Variants in ZNF345 observed in about 807,000 individuals in gnomAD.
The protein encoded by ZNF345 is zinc finger protein HZF10.
For synonymous variants in ZNF345, 166 were observed against 187.9 expected (o/e 0.88, Z 0.95); for missense variants, 527 against 589.9 (o/e 0.89, Z 1.10).
chr19:36,881,811 A>G (rs573276884), downstream of ZNF345, among the ~76,000 whole-genome samples: 31 of 152,252 alleles, frequency 2.0e-4, no homozygotes, highest in South Asian at 6.0e-3. Flanking sequence ...ATATATTGAA[A>G]CCCACTTTCA....
intron 2 of ZNF345, among the ~76,000 whole-genome samples, chr19:36,871,830 C>T (rs12151296): frequency 0.32 from 48,910 of 151,916 alleles, 9,025 homozygotes; most frequent in East Asian, 0.71. Flanking sequence ...TGCAATGGTA[C>T]GATCTTGTCT....
At chr19:36,851,287 T>C (rs926353802) in intron 1 of ZNF345, 3 of 152,134 alleles carry the variant, frequency 2.0e-5, no homozygotes, top group African/African-American at 7.3e-5. Context: ...CTGTGTGTAG[T>C]ATGCCTTAAT....
intron 2 of ZNF345, among the ~76,000 whole-genome samples, chr19:36,862,594 G>A (rs559851804): frequency 6.7e-6 from 1 of 148,936 alleles, no homozygotes; most frequent in Non-Finnish European, 1.5e-5. Context: ...AACCTGGGAG[G>A]CAGAGGTTGC....
At chr19:36,866,462 T>C (rs953583563) in intron 2 of ZNF345, among the ~76,000 whole-genome samples, 1 of 152,358 alleles carries the variant, frequency 6.6e-6, no homozygotes, top group East Asian at 1.9e-4. Flanking sequence ...TTGCCAACTT[T>C]GTATAACTCC....
At chr19:36,891,711 G>T (rs1380519629) in intron 3 of ZNF345, 8 of 1,613,866 alleles carry the variant, frequency 5.0e-6, no homozygotes, top group Non-Finnish European at 6.8e-6. Context: ...TCTGAATAAA[G>T]GCCTTTCTAC....
chr19:36,882,349 C>T (rs1001632360), downstream of ZNF345, among the ~76,000 whole-genome samples: 13 of 151,982 alleles, frequency 8.6e-5, no homozygotes, highest in African/African-American at 3.1e-4. Context: ...CTCACTGCAA[C>T]CTCCGCCTCC....
At chr19:36,865,193 C>T (rs1426381146) in intron 2 of ZNF345, among the ~76,000 whole-genome samples, 1 of 152,114 alleles carries the variant, frequency 6.6e-6, no homozygotes, top group Non-Finnish European at 1.5e-5. Context: ...GAAAGGAACG[C>T]CCCTTCCTCC....
At chr19:36,888,397 C>G (rs889888741) in intron 3 of ZNF345, 3 of 152,178 alleles carry the variant, frequency 2.0e-5, no homozygotes, top group African/African-American at 7.2e-5. Context: ...ATATCTGTCT[C>G]TACAATATCC....
At chr19:36,891,833 C>G in intron 3 of ZNF345, 1 of 1,614,128 alleles carries the variant, frequency 6.2e-7, no homozygotes, top group Middle Eastern at 1.7e-4. Context: ...GGTTTCTCAC[C>G]AGTATGCATT....
At chr19:36,884,631 T>A (rs997610284) in intron 3 of ZNF345, among the ~76,000 whole-genome samples, 2 of 152,206 alleles carry the variant, frequency 1.3e-5, no homozygotes, top group African/African-American at 4.8e-5. Context: ...TCTGCCCTTC[T>A]TGCTGGTTTG....
In ZNF345 at chr19:36,877,291, C is replaced by T. The variant is rs1411631824; in HGVS notation, c.461C>T (p.Ala154Val). The T allele has an allele frequency of 1.2e-6, 2 of 1,613,928 alleles. No homozygotes were observed. The highest frequency in any genetic ancestry group is 3.3e-5 in the Admixed American group (2 of 60,000). The stretch of plus-strand genomic sequence containing the variant: ...TATGAGTGTAAGGAATGTGGGAAAG[C>T]CTTTAGTTTTGGATCAGGCCTTATT... ...KPYECKECGKAFSFGSGLIRH... is the reference protein window; with the variant it reads ...KPYECKECGKVFSFGSGLIRH... Residue 154 changes from alanine (A) to valine (V), a missense_variant, in exon 3 of 3, where the codon GCC becomes GTC. Coordinates refer to ENST00000420450, the MANE Select transcript of ZNF345 (RefSeq NM_001242472.2).
downstream of ZNF345, among the ~76,000 whole-genome samples, chr19:36,882,336 C>T (rs904666901): frequency 2.6e-5 from 4 of 151,898 alleles, no homozygotes; most frequent in Non-Finnish European, 5.9e-5. Context: ...GGCGTGATCT[C>T]GGCTCACTGC....
chr19:36,874,767 G>A (rs985952258), intron 2 of ZNF345, among the ~76,000 whole-genome samples: 8 of 152,164 alleles, frequency 5.3e-5, no homozygotes, highest in Non-Finnish European at 7.3e-5. Context: ...CAACAAGAGC[G>A]AAACTCCATC....
At chr19:36,859,232 G>T (rs576694514) in intron 2 of ZNF345, among the ~76,000 whole-genome samples, 46 of 151,812 alleles carry the variant, frequency 3.0e-4, no homozygotes, top group African/African-American at 9.9e-4. Context: ...TCAGCTCACT[G>T]CAGCCTCTGC....
At chr19:36,853,807 A>T (rs2072342957) in intron 2 of ZNF345, among the ~76,000 whole-genome samples, 1 of 152,166 alleles carries the variant, frequency 6.6e-6, no homozygotes, top group Non-Finnish European at 1.5e-5. Flanking sequence ...TGTCTTACTC[A>T]CTGTAACTTT....
intron 3 of ZNF345, among the ~76,000 whole-genome samples, chr19:36,884,798 A>T (rs1339158465): frequency 6.6e-6 from 1 of 152,206 alleles, no homozygotes; most frequent in Non-Finnish European, 1.5e-5. Context: ...AGAGGCCTAG[A>T]GTACCCCCAG....
chr19:36,877,411 G>A lies in ZNF345; in HGVS notation c.581G>A (p.Arg194Lys). 1.2e-6 allele frequency: 2 copies of A among 1,614,158 alleles called. No homozygotes were observed. The highest frequency in any genetic ancestry group is 1.1e-5 in the South Asian group (1 of 91,084). ...GAATCAGCCCTTATTCGGCATCACA[G>A]AATTCACACAGGTGAGAAACCTTAT... ...SFESALIRHH[R>K]IHTGEKPYEC... Residue 194 changes from arginine to lysine, a missense_variant, in exon 3 of 3, where the codon AGA (arginine) becomes AAA (lysine). Physicochemically the swap from Arg to Lys is conservative, Grantham distance 26 (BLOSUM62 2). Coordinates refer to ENST00000420450, the MANE Select transcript of ZNF345 (RefSeq NM_001242472.2).
intron 2 of ZNF345, chr19:36,858,389 T>C (rs1365404330): frequency 1.3e-5 from 2 of 152,336 alleles, no homozygotes; most frequent in African/African-American, 4.8e-5. Context: ...TGAGAACTGG[T>C]GACTTCAGCG....
intron 3 of ZNF345, chr19:36,892,171 G>C (rs2073061345): frequency 1.2e-6 from 2 of 1,614,040 alleles, no homozygotes; most frequent in Non-Finnish European, 1.7e-6. Flanking sequence ...TTTTTTACCA[G>C]TGTGAATCCT....
Sources: allele counts gnomAD v4.1 joint callset (sites outside exome capture counted in the v4.1 genomes callset), GRCh38; gene constraint gnomAD v4.1.1; transcripts MANE v1.5; gene names NCBI Gene and HGNC (gene_info 2026-07-23, HGNC 2026-07-21).